Variants in LPAR3 observed in about 807,000 individuals in gnomAD.
The protein encoded by LPAR3 is LPA receptor 3.
A neutral mutation model predicts 17.8 loss-of-function variants in LPAR3; 7 were observed. The ratio of observed to expected loss-of-function variants is 0.39; its 90% CI spans 0.22 to 0.74. The LOEUF (loss-of-function observed/expected upper bound fraction) is 0.74, where lower values mean the gene tolerates loss of function less well. Ranked by LOEUF, LPAR3 falls within the 30% of genes least tolerant of loss-of-function variation. The probability of loss-of-function intolerance (pLI) is 0.40; values close to 1 mark genes in which losing one functional copy is unlikely to be tolerated. For synonymous variants in LPAR3, 179 were observed against 179.9 expected (o/e 0.99, Z 0.04); for missense variants, 391 against 453.4 (o/e 0.86, Z 1.25).
intron 2 of LPAR3, among the ~76,000 whole-genome samples, chr1:84,861,019 G>A (rs775373572): frequency 9.2e-5 from 14 of 152,110 alleles, no homozygotes; most frequent in South Asian, 2.1e-4. Flanking sequence ...AATTATAGGC[G>A]TGAGCCACCA....
rs999989797 is a variant in LPAR3, at chr1:84,816,989, T to G, written c.737-2818A>C. On this transcript the variant is annotated intron_variant, in intron 2 of 2. Coordinates refer to ENST00000370611, the MANE Select transcript of LPAR3 (RefSeq NM_012152.3). ...GACAGTTAACGCTTTCTGTCTTTCT[T>G]TAGCCTTTTCTCCAGGAGACACATA... 3.9e-5 allele frequency among the ~76,000 whole-genome samples: 6 copies of G among 152,156 alleles called. No individual in the cohort carries two copies. The South Asian group carries it at 8.3e-4, about 21-fold the overall frequency.
At chr1:84,849,389 A>AG (rs1254968289) in intron 2 of LPAR3, among the ~76,000 whole-genome samples, 24 of 151,200 alleles carry the variant, frequency 1.6e-4, no homozygotes, top group Non-Finnish European at 3.4e-4. Flanking sequence ...AAAAAAAAAA[A>AG]AAAAGAAAGA....
Position 84,839,663 on chromosome 1 carries a change from C to T in LPAR3, c.737-25492G>A, listed in dbSNP as rs545411637. On this transcript the variant is annotated intron_variant, in intron 2 of 2. Transcript: ENST00000370611. The stretch of plus-strand genomic sequence containing the variant: ...CCTGGATGACAGAGCAGGACCCTGT[C>T]TCTAAATAAATAAATACGTAAAATA... 1.6e-3 allele frequency among the ~76,000 whole-genome samples: 236 copies of T among 149,500 alleles called. 1 individual carries two copies. Among genetic ancestry groups the T allele is most frequent in the Non-Finnish European group, 2.9e-3 (195 of 67,714 alleles).
At chr1:84,844,571 T>C (rs752912394) in intron 2 of LPAR3, among the ~76,000 whole-genome samples, 8 of 152,192 alleles carry the variant, frequency 5.3e-5, no homozygotes, top group Non-Finnish European at 7.3e-5. Flanking sequence ...ACGACCCTCA[T>C]TGCAGGGATA....
At chr1:84,853,789 T>C (rs1233280088) in intron 2 of LPAR3, among the ~76,000 whole-genome samples, 1 of 152,190 alleles carries the variant, frequency 6.6e-6, no homozygotes, top group Non-Finnish European at 1.5e-5. Context: ...AACCCTGCTT[T>C]GCATTTTGCA....
intron 2 of LPAR3, among the ~76,000 whole-genome samples, chr1:84,840,293 C>T (rs1166403977): frequency 6.6e-6 from 1 of 152,188 alleles, no homozygotes; most frequent in Non-Finnish European, 1.5e-5. Flanking sequence ...AAATGAGTAT[C>T]ATTAACGCAA....
At chr1:84,864,072 C>T (rs1426210611) in intron 2 of LPAR3, among the ~76,000 whole-genome samples, 2 of 151,926 alleles carry the variant, frequency 1.3e-5, no homozygotes, top group Non-Finnish European at 2.9e-5. Context: ...ATTAGCCGGG[C>T]CTGGTGGCAC....
At chr1:84,868,699 G>A (rs1040360614) in intron 1 of LPAR3, among the ~76,000 whole-genome samples, 17 of 152,056 alleles carry the variant, frequency 1.1e-4, no homozygotes, top group Non-Finnish European at 1.8e-4. Flanking sequence ...GAGAGAACTC[G>A]TGAGACCCTT....
chr1:84,861,484 A>T (rs1443675455), intron 2 of LPAR3, among the ~76,000 whole-genome samples: 1 of 152,198 alleles, frequency 6.6e-6, no homozygotes, highest in East Asian at 1.9e-4. Flanking sequence ...GTCATAAAGG[A>T]TAATTGAACT....
intron 1 of LPAR3, among the ~76,000 whole-genome samples, chr1:84,891,160 T>TAAAA (rs546045989): frequency 0.032 from 4,590 of 144,568 alleles, 104 homozygotes; most frequent in East Asian, 0.083. Context: ...TCTGATCTGA[T>TAAAA]AAAAAAAAAA....
intron 2 of LPAR3, among the ~76,000 whole-genome samples, chr1:84,838,297 G>A (rs1038367793): frequency 6.6e-6 from 1 of 152,228 alleles, no homozygotes; most frequent in African/African-American, 2.4e-5. Flanking sequence ...GGGGATCCAT[G>A]GTGGATTCTT....
chr1:84,846,373 TA>T (rs1293062835), intron 2 of LPAR3, among the ~76,000 whole-genome samples: 1 of 152,200 alleles, frequency 6.6e-6, no homozygotes, highest in Non-Finnish European at 1.5e-5. Flanking sequence ...TTTATTTTCG[TA>T]ATGCTATAGT....
At chr1:84,858,958 T>C (rs945683690) in intron 2 of LPAR3, among the ~76,000 whole-genome samples, 1 of 151,768 alleles carries the variant, frequency 6.6e-6, no homozygotes, top group Non-Finnish European at 1.5e-5. Context: ...TGAATGGGAG[T>C]TTCCCAGGCA....
chr1:84,818,560 C>T (rs1362866304), intron 2 of LPAR3, among the ~76,000 whole-genome samples: 1 of 151,918 alleles, frequency 6.6e-6, no homozygotes, highest in Non-Finnish European at 1.5e-5. Context: ...AACAAAACTA[C>T]AAAAAATATA....
chr1:84,833,069 G>C (rs910364251), intron 2 of LPAR3, among the ~76,000 whole-genome samples: 6 of 152,128 alleles, frequency 3.9e-5, no homozygotes, highest in Admixed American at 2.0e-4. Flanking sequence ...CTTTGAATTA[G>C]AGATCGTCTG....
rs1450054504 is a variant in LPAR3 at position 84,811,996 on chromosome 1, A to C, written c.*1850T>G. 1.3e-5 allele frequency: 2 copies of C among 152,158 alleles called. No homozygotes were observed. The highest frequency in any genetic ancestry group is 4.8e-5 in the African/African-American group (2 of 41,430). 9.4% of individuals were successfully genotyped at this position (152,158 alleles called of 1,614,324 possible). On this transcript the variant is annotated 3_prime_UTR_variant, in exon 3 of 3. Transcript: ENST00000370611. Reference sequence around the variant, plus strand: ...GCCTACTTAGGTCTCTGAAGGAGAAAAATTCAAAATAGAACCCAGATCAAA... The same window carrying C: ...GCCTACTTAGGTCTCTGAAGGAGAACAATTCAAAATAGAACCCAGATCAAA...
At chr1:84,879,595 G>A (rs947285779) in intron 1 of LPAR3, among the ~76,000 whole-genome samples, 2 of 152,154 alleles carry the variant, frequency 1.3e-5, no homozygotes, top group African/African-American at 4.8e-5. Flanking sequence ...ATAAGCGTGA[G>A]CCACCACGCC....
chr1:84,878,177 T>A (rs1265520913), intron 1 of LPAR3, among the ~76,000 whole-genome samples: 1 of 152,220 alleles, frequency 6.6e-6, no homozygotes, highest in East Asian at 1.9e-4. Flanking sequence ...GACATAAATT[T>A]TTTTTAAAGT....
chr1:84,881,737 G>A (rs1218112948), intron 1 of LPAR3, among the ~76,000 whole-genome samples: 1 of 152,170 alleles, frequency 6.6e-6, no homozygotes, highest in Admixed American at 6.5e-5. Context: ...AGGGAGGCAG[G>A]ATTGGAAAGG....
Sources: gnomAD v4.1 joint callset for allele counts (sites outside exome capture counted in the v4.1 genomes callset) on GRCh38, gnomAD v4.1.1 for gene constraint, MANE v1.5 for transcripts, NCBI Gene and HGNC (gene_info 2026-07-23, HGNC 2026-07-21) for gene names.